FAS: variants seen among roughly 807,000 people sequenced by gnomAD.
The protein encoded by FAS is Fas cell surface death receptor.
In FAS, 5 loss-of-function variants were observed where a neutral mutation model predicts 33.2. That is an observed-to-expected ratio of 0.15 (90% CI 0.08 to 0.32). The LOEUF (loss-of-function observed/expected upper bound fraction) is 0.32. Among genes scored for constraint, FAS ranks in the 10% least tolerant of loss-of-function variants. The probability of loss-of-function intolerance (pLI) is 1.00; values close to 1 mark genes in which losing one functional copy is unlikely to be tolerated. For synonymous variants in FAS, 131 were observed against 130.7 expected (o/e 1.00, Z -0.01); for missense variants, 339 against 386.0 (o/e 0.88, Z 1.02).
At chr10:88,982,696 A>C (rs978974717), upstream of FAS, among the ~76,000 whole-genome samples, 1 of 152,146 alleles carries the variant, frequency 6.6e-6, no homozygotes, top group Non-Finnish European at 1.5e-5. Context: ...AAATGTATTT[A>C]TGTAGTCAAG....
intron 2 of FAS, among the ~76,000 whole-genome samples, chr10:88,979,995 C>T (rs545626161): frequency 1.2e-4 from 18 of 152,308 alleles, no homozygotes; most frequent in Admixed American, 2.6e-4. Flanking sequence ...AAAAAGGCAA[C>T]GCTAATTTGC....
In FAS at chr10:89,010,520, C is replaced by T. The variant is rs764387025; in HGVS notation, c.444-19C>T. ...TATTCTGCCAGGCTTTTGAATTTCT[C>T]CTGTATTTTTTTTTCTAGATGTGAA... is the stretch of plus-strand genomic sequence containing the variant. On this transcript the variant is annotated intron_variant, in intron 4 of 8. Transcript: ENST00000652046. 1.2e-5 allele frequency: 19 copies of T among 1,607,928 alleles called. No individual in the cohort carries two copies. The highest frequency in any genetic ancestry group is 1.6e-5 in the Non-Finnish European group (19 of 1,174,908).
chr10:88,984,239 G>A (rs1426527758), upstream of FAS, among the ~76,000 whole-genome samples: 2 of 152,244 alleles, frequency 1.3e-5, no homozygotes. Flanking sequence ...TTGAGAAATA[G>A]TAGGAGCCAG....
At chr10:88,994,095 C>G (rs539105485) in intron 1 of FAS, among the ~76,000 whole-genome samples, 1 of 152,336 alleles carries the variant, frequency 6.6e-6, no homozygotes, top group Admixed American at 6.5e-5. Flanking sequence ...GACGTTGTCT[C>G]TGAGTAAGCT....
chr10:88,977,019 G>A (rs1008069896), intron 2 of FAS, among the ~76,000 whole-genome samples: 2 of 152,142 alleles, frequency 1.3e-5, no homozygotes, highest in Non-Finnish European at 2.9e-5. Flanking sequence ...CAAAGGAGAA[G>A]CTTATTTTCT....
chr10:89,004,230 G>A (rs1228092811), intron 2 of FAS, among the ~76,000 whole-genome samples: 1 of 152,056 alleles, frequency 6.6e-6, no homozygotes, highest in Admixed American at 6.6e-5. Flanking sequence ...AAACTGTCAA[G>A]GATTTTTGTC....
intron 1 of FAS, among the ~76,000 whole-genome samples, chr10:89,000,768 C>G (rs1244881608): frequency 6.6e-6 from 1 of 152,098 alleles, no homozygotes; most frequent in Non-Finnish European, 1.5e-5. Flanking sequence ...TCCTCTTGGC[C>G]GGGTGCGTTG....
upstream of FAS, among the ~76,000 whole-genome samples, chr10:88,988,416 G>GT (rs748275082): frequency 1.9e-3 from 24 of 12,472 alleles, 1 homozygote; most frequent in African/African-American, 6.0e-3. Context: ...AGATGTAGAA[G>GT]TTTTTTTTTT....
chr10:89,002,961 T>C (rs887928642), intron 1 of FAS, 68 bp from the exon 2 acceptor site: 1 of 1,588,284 alleles, frequency 6.3e-7, no homozygotes, highest in Non-Finnish European at 8.6e-7. Context: ...TTTGGGTGGG[T>C]TACACTTGTT....
Position 89,014,491 on chromosome 10 carries a change from G to T in FAS, c.*41G>T. On this transcript the variant is annotated 3_prime_UTR_variant, in exon 9 of 9. Transcript: ENST00000652046. ...ATTCAGTTCTGAGTATATGCAATTA[G>T]TGTTTGAAAAGATTCTTAATAGCTG... The T allele has an allele frequency of 6.4e-7, 1 of 1,573,022 alleles. No individual in the cohort carries two copies.
In FAS at chr10:89,016,729, T is replaced by C. The variant is rs9658788; in HGVS notation, c.*2279T>C. ...GTGGTGGGCATACTGGGTAGGAGAATCACCCAAAGGTCACCCATGAGCTGC... is the reference window on the plus strand; with the variant it reads ...GTGGTGGGCATACTGGGTAGGAGAACCACCCAAAGGTCACCCATGAGCTGC... On this transcript the variant is annotated 3_prime_UTR_variant, in exon 9 of 9. Coordinates refer to ENST00000652046, the MANE Select transcript of FAS (RefSeq NM_000043.6). 25,321 of 223,198 alleles carry C rather than the reference T, an allele frequency of 0.11. 1,837 individuals are homozygous for C. The highest frequency in any genetic ancestry group is 0.16 in the Non-Finnish European group (17,450 of 111,756). The allele number at this position is 223,198 out of a possible 1,614,324, so 13.8% of individuals were successfully genotyped here. A position where few individuals can be genotyped will look rare whatever the true frequency, so the allele number is the denominator to read the frequency against.
At chr10:88,989,656 C>G (rs72809362), upstream of FAS, 1,624 of 482,848 alleles carry the variant, frequency 3.4e-3, 5 homozygotes, top group Admixed American at 5.5e-3. Flanking sequence ...ATTTGAGGGC[C>G]CAAACAGGCT....
chr10:88,987,982 T>G (rs1363552123), upstream of FAS, among the ~76,000 whole-genome samples: 1 of 151,152 alleles, frequency 6.6e-6, no homozygotes. Flanking sequence ...ACTGAGTGAG[T>G]GAGAATTATG....
rs780195762 is a variant in FAS, at chr10:89,014,377, C to T, written c.935C>T (p.Thr312Ile). 3 of 1,613,574 alleles carry T rather than the reference C, an allele frequency of 1.9e-6. No homozygotes were observed. Among genetic ancestry groups the T allele is most frequent in the Non-Finnish European group, 2.5e-6 (3 of 1,179,920 alleles). The part of the protein sequence containing the change: ...NLCTLAEKIQ[T>I]IILKDITSDS... ...TGTACTCTTGCAGAGAAAATTCAGA[C>T]TATCATCCTCAAGGACATTACTAGT... Residue 312 changes from threonine (T) to isoleucine (I), a missense_variant, in exon 9 of 9, where the codon ACT becomes ATT. Physicochemically the swap from Thr to Ile is moderately conservative, Grantham distance 89. This residue lies in a region of FAS where 52 missense variants were observed against 52.7 expected (regional missense o/e 0.99). Coordinates refer to ENST00000652046, the MANE Select transcript of FAS (RefSeq NM_000043.6).
chr10:89,016,702 T>C lies in FAS; in HGVS notation c.*2252T>C, dbSNP rs1016616682. On this transcript the variant is annotated 3_prime_UTR_variant, in exon 9 of 9. Coordinates refer to ENST00000652046, the MANE Select transcript of FAS (RefSeq NM_000043.6). ...CTCATTCTGGTGAACCTGGTTCTCT[T>C]TGTGGTGGGCATACTGGGTAGGAGA... 2 of 223,588 alleles carry C rather than the reference T, an allele frequency of 8.9e-6. No individual in the cohort carries two copies. The highest frequency in any genetic ancestry group is 6.5e-5 in the East Asian group (1 of 15,472). The allele number at this position is 223,588 out of a possible 1,614,324, so 13.9% of individuals were successfully genotyped here.
At chr10:88,968,002 C>CT (rs927490653) in intron 1 of FAS, among the ~76,000 whole-genome samples, 63 of 148,930 alleles carry the variant, frequency 4.2e-4, no homozygotes, top group African/African-American at 1.0e-3. Flanking sequence ...GATAAAAGTC[C>CT]TTTTTTTTTT....
rs1020956867 is a variant in FAS, at chr10:89,015,480, A to G, written c.*1030A>G. ...AAACCTGCTACAAATGGCAGCTTAT[A>G]CATAGCAATGGTAAAATCATCATCT... On this transcript the variant is annotated 3_prime_UTR_variant, in exon 9 of 9. Coordinates refer to ENST00000652046, the MANE Select transcript of FAS (RefSeq NM_000043.6). 1.7e-5 allele frequency: 9 copies of G among 534,692 alleles called. No individual in the cohort carries two copies. Among genetic ancestry groups the G allele is most frequent in the Non-Finnish European group, 3.3e-5 (9 of 276,744 alleles). 33.1% of individuals were successfully genotyped at this position (534,692 alleles called of 1,614,324 possible). A position where few individuals can be genotyped will look rare whatever the true frequency, so the allele number is the denominator to read the frequency against.
chr10:88,995,953 T>G (rs1371251076), intron 1 of FAS, among the ~76,000 whole-genome samples: 1 of 152,128 alleles, frequency 6.6e-6, no homozygotes, highest in Non-Finnish European at 1.5e-5. Flanking sequence ...TTACTATAGG[T>G]TGTGTTAAGG....
At chr10:88,968,158 T>C (rs988023767) in intron 1 of FAS, among the ~76,000 whole-genome samples, 5 of 152,190 alleles carry the variant, frequency 3.3e-5, no homozygotes, top group Non-Finnish European at 7.3e-5. Context: ...TTTTGCATAT[T>C]TAATTTGTAT....
Sources: gnomAD v4.1 joint callset for allele counts (sites outside exome capture counted in the v4.1 genomes callset) on GRCh38, gnomAD v4.1.1 for gene constraint, gnomAD v4.1.1 regional missense constraint, MANE v1.5 for transcripts, NCBI Gene and HGNC (gene_info 2026-07-23, HGNC 2026-07-21) for gene names.